Variants in PTPRQ observed in about 807,000 individuals in gnomAD.
PTPRQ encodes protein tyrosine phosphatase receptor type Q, also known as phosphatidylinositol phosphatase PTPRQ.
In PTPRQ, 199 loss-of-function variants were observed where a neutral mutation model predicts 246.0. The ratio of observed to expected loss-of-function variants is 0.81; its 90% CI spans 0.72 to 0.91. PTPRQ has a LOEUF of 0.91. PTPRQ is among the 40% of genes least tolerant of loss of function. PTPRQ has a pLI of 0.00. For synonymous variants in PTPRQ, 869 were observed against 853.2 expected (o/e 1.02, Z -0.32); for missense variants, 2,624 against 2,528.4 (o/e 1.04, Z -0.81).
At chr12:80,473,193 A>G (rs1331042081) in intron 8 of PTPRQ, among the ~76,000 whole-genome samples, 4 of 152,210 alleles carry the variant, frequency 2.6e-5, no homozygotes, top group Non-Finnish European at 4.4e-5. Flanking sequence ...AGAACATAAA[A>G]GTTACGTTTT....
intron 25 of PTPRQ, among the ~76,000 whole-genome samples, chr12:80,574,494 T>C (rs903103566): frequency 6.6e-6 from 1 of 152,186 alleles, no homozygotes. Context: ...TGTTCTTGCT[T>C]TCTTTCTTGC....
At chr12:80,489,519 G>A (rs968985162) in intron 9 of PTPRQ, among the ~76,000 whole-genome samples, 2 of 151,922 alleles carry the variant, frequency 1.3e-5, no homozygotes, top group African/African-American at 2.4e-5. Flanking sequence ...AGAGTTTTCC[G>A]AAGACTTAAT....
chr12:80,534,296 A>G, intron 18 of PTPRQ, 121 bp downstream of exon 18: 1 of 1,114,612 alleles, frequency 9.0e-7, no homozygotes, highest in Non-Finnish European at 1.2e-6. Context: ...CATCAGTTTG[A>G]TGAAAAATTG....
chr12:80,486,344 T>G (rs984203155), intron 9 of PTPRQ, among the ~76,000 whole-genome samples: 21 of 152,188 alleles, frequency 1.4e-4, no homozygotes, highest in African/African-American at 5.1e-4. Flanking sequence ...TCTCTTTACT[T>G]CTCTGATTAT....
intron 11 of PTPRQ, 36 bp from the exon 12 acceptor site, chr12:80,495,156 T>A: frequency 3.2e-6 from 5 of 1,544,202 alleles, no homozygotes; most frequent in Non-Finnish European, 4.4e-6. Flanking sequence ...ACTGTGATAC[T>A]TTTTTTTCAT....
intron 25 of PTPRQ, among the ~76,000 whole-genome samples, chr12:80,555,318 C>G (rs138888578): frequency 7.9e-5 from 12 of 152,282 alleles, no homozygotes; most frequent in African/African-American, 2.9e-4. Flanking sequence ...TTCAGCCTCC[C>G]AAAGTGTTGG....
At chr12:80,493,554 G>T in intron 10 of PTPRQ, 99 bp downstream of exon 10, 1 of 1,394,010 alleles carries the variant, frequency 7.2e-7, no homozygotes, top group Non-Finnish European at 9.3e-7. Flanking sequence ...TATTATTAAT[G>T]GTCTTTGGGC....
In PTPRQ at chr12:80,613,710, T is replaced by C; in HGVS notation, c.5037T>C (p.Ala1679=). 1 of 1,546,266 alleles carries C rather than the reference T, an allele frequency of 6.5e-7. No homozygotes were observed. ...QPNGNIQVYQ[A]LVYREDDPTA... ...ATGGAAATATCCAAGTATATCAAGC[T>C]CTGGTTTACCGAGAAGATGATCCTA... The change falls in exon 29 of 45, where the codon GCT becomes GCC. Residue 1679 remains alanine (A), a synonymous_variant. Transcript: ENST00000644991.
intron 16 of PTPRQ, among the ~76,000 whole-genome samples, chr12:80,508,694 T>C (rs1035893690): frequency 6.6e-6 from 1 of 152,140 alleles, no homozygotes; most frequent in Admixed American, 6.6e-5. Flanking sequence ...TGCCAAAATA[T>C]TTTAGAATAC....
intron 35 of PTPRQ, among the ~76,000 whole-genome samples, chr12:80,644,264 C>A (rs1006137809): frequency 6.6e-6 from 1 of 152,034 alleles, no homozygotes; most frequent in Non-Finnish European, 1.5e-5. Flanking sequence ...CACTTTTCAA[C>A]CAAAAGATAT....
intron 3 of PTPRQ, among the ~76,000 whole-genome samples, chr12:80,447,623 G>A (rs535859152): frequency 6.6e-6 from 1 of 151,518 alleles, no homozygotes; most frequent in Admixed American, 6.6e-5. Flanking sequence ...GATATGGCCA[G>A]CCAGTTTCCC....
intron 3 of PTPRQ, among the ~76,000 whole-genome samples, chr12:80,450,303 T>A (rs956554999): frequency 4.6e-5 from 7 of 152,186 alleles, no homozygotes; most frequent in Non-Finnish European, 1.0e-4. Context: ...TTTCTAGATA[T>A]ACAATCATGT....
intron 19 of PTPRQ, among the ~76,000 whole-genome samples, chr12:80,537,451 T>A (rs189714874): frequency 1.3e-5 from 2 of 152,310 alleles, no homozygotes; most frequent in Non-Finnish European, 2.9e-5. Flanking sequence ...ATGACAAGCA[T>A]CTTGTAGAAA....
At chr12:80,481,273 T>C (rs183231999) in intron 8 of PTPRQ, among the ~76,000 whole-genome samples, 4,743 of 151,910 alleles carry the variant, frequency 0.031, 127 homozygotes, top group Admixed American at 0.058. Flanking sequence ...AAGACAAAAA[T>C]CACATGATTA....
chr12:80,480,143 T>C (rs995729963), intron 8 of PTPRQ, among the ~76,000 whole-genome samples: 1 of 152,010 alleles, frequency 6.6e-6, no homozygotes, highest in African/African-American at 2.4e-5. Context: ...CCTCAGCAAA[T>C]GTAAAAGAAC....
At chr12:80,522,457 G>C (rs1159745124) in intron 17 of PTPRQ, among the ~76,000 whole-genome samples, 1 of 152,076 alleles carries the variant, frequency 6.6e-6, no homozygotes, top group Non-Finnish European at 1.5e-5. Flanking sequence ...CAAAGGGAAT[G>C]CTTCCAGTTT....
At chr12:80,582,021 G>A (rs1331234909) in intron 25 of PTPRQ, among the ~76,000 whole-genome samples, 5 of 152,150 alleles carry the variant, frequency 3.3e-5, no homozygotes, top group Non-Finnish European at 5.9e-5. Context: ...ATATGCATAT[G>A]TTTTACCTAG....
In PTPRQ at chr12:80,679,991, G is replaced by A. The variant is rs996133555; in HGVS notation, c.*968G>A. 3 of 151,702 alleles carry A rather than the reference G, an allele frequency of 2.0e-5. No individual in the cohort carries two copies. The Admixed American group carries it at 2.0e-4, about 10-fold the overall frequency. The allele number at this position is 151,702 out of a possible 1,614,324, so 9.4% of individuals were successfully genotyped here. ...GGCCGTCATTTCATTTCCCAAGGTT[G>A]ATTTTGAGCAGTATACTTGGTGGAA... On this transcript the variant is annotated 3_prime_UTR_variant, in exon 45 of 45. Coordinates refer to ENST00000644991, the MANE Select transcript of PTPRQ (RefSeq NM_001145026.2).
At chr12:80,459,596 T>G (rs1893086255) in intron 5 of PTPRQ, 113 bp downstream of exon 5, 1 of 396,186 alleles carries the variant, frequency 2.5e-6, no homozygotes, top group Admixed American at 4.4e-5. Flanking sequence ...GTTATTTGAT[T>G]ACTTATGGTA....
Sources: allele counts gnomAD v4.1 joint callset (sites outside exome capture counted in the v4.1 genomes callset), GRCh38; gene constraint gnomAD v4.1.1; transcripts MANE v1.5; gene names NCBI Gene and HGNC (gene_info 2026-07-23, HGNC 2026-07-21).